The following ZBTB4 variants were observed in gnomAD, a reference collection of about 807,000 sequenced individuals.
ZBTB4 encodes zinc finger and BTB domain containing 4.
Under a neutral mutation model 59.8 loss-of-function variants are expected in ZBTB4, and 14 were observed. The observed-to-expected ratio is 0.23, with a 90% CI of 0.15 to 0.37. The LOEUF (loss-of-function observed/expected upper bound fraction) is 0.37, where lower values mean the gene tolerates loss of function less well. Among genes scored for constraint, ZBTB4 ranks in the 10% least tolerant of loss-of-function variants. ZBTB4 has a pLI of 1.00. For missense variants in ZBTB4, 1,198 were observed against 1,380.8 expected (o/e 0.87, Z 2.10); for synonymous variants, 587 against 575.2 (o/e 1.02, Z -0.29).
In ZBTB4 at chr17:7,466,766, A is replaced by G. The variant is rs1472185516; in HGVS notation, c.36T>C (p.His12=). ...PPPAEVTDPS[H]APAVLRQLNE... Reference sequence around the variant, plus strand: ...TGAGCTGGCGCAGGACGGCGGGGGCATGGGACGGGTCCGTCACCTCTGCAG... The same window carrying G: ...TGAGCTGGCGCAGGACGGCGGGGGCGTGGGACGGGTCCGTCACCTCTGCAG... Residue 12 remains histidine, a synonymous_variant, in exon 3 of 4, where the codon CAT becomes CAC. Coordinates refer to ENST00000380599, the MANE Select transcript of ZBTB4 (RefSeq NM_001128833.2). This position sits in a 1 kb window ranked among gnomAD's most constrained non-coding sequence, Gnocchi z 9.1. 6.3e-7 allele frequency: 1 copy of G among 1,584,312 alleles called. No individual in the cohort carries two copies. The highest frequency in any genetic ancestry group is 2.3e-5 in the East Asian group (1 of 43,990).
chr17:7,481,224 G>C (rs1165463365), upstream of ZBTB4: 1 of 263,454 alleles, frequency 3.8e-6, no homozygotes, highest in East Asian at 6.4e-5. Context: ...CAGCTACTTG[G>C]GAGGCTGAGG....
At position 7,462,876 on chromosome 17, in the gene ZBTB4, C is replaced by T. The variant is rs1311801656; in HGVS notation, c.2106G>A (p.Leu702=). 3.1e-6 allele frequency: 5 copies of T among 1,606,814 alleles called. No homozygotes were observed. In the African/African-American group the frequency reaches 5.3e-5, roughly 17 times the overall value. The part of the protein sequence containing the change: ...GRRPPRWRQK[L]ERRSWEETPA... ...GGGTTTCCTCCCAGCTCCTCCGTTCCAGCTTCTGCCTCCAACGTGGTGGCC... is the reference window on the plus strand; with the variant it reads ...GGGTTTCCTCCCAGCTCCTCCGTTCTAGCTTCTGCCTCCAACGTGGTGGCC... Residue 702 remains leucine, a synonymous_variant, in exon 4 of 4, where the codon CTG becomes CTA. Transcript: ENST00000380599. This position sits in a 1 kb window ranked among gnomAD's most constrained non-coding sequence, Gnocchi z 7.5.
intron 1 of ZBTB4, among the ~76,000 whole-genome samples, chr17:7,468,152 C>T (rs527399079): frequency 6.6e-6 from 1 of 152,322 alleles, no homozygotes; most frequent in South Asian, 2.1e-4. Flanking sequence ...GGGTGGATCA[C>T]CTGAGGTCAG....
At chr17:7,483,019 C>A (rs372053590), upstream of ZBTB4, 1 of 1,611,710 alleles carries the variant, frequency 6.2e-7, no homozygotes. Context: ...CTTGGGAGCC[C>A]GGGGGTTGGG....
At chr17:7,469,003 G>A (rs778461496) in intron 1 of ZBTB4, among the ~76,000 whole-genome samples, 6 of 152,064 alleles carry the variant, frequency 3.9e-5, no homozygotes, top group Non-Finnish European at 8.8e-5. Flanking sequence ...GGCATCCTGC[G>A]GAAGGGGCCT....
rs1235367752 is a variant in ZBTB4, at chr17:7,462,007, G to A, written c.2975C>T (p.Pro992Leu). Residue 992 changes from proline (P) to leucine (L), a missense_variant, in exon 4 of 4, where the codon CCA (proline) becomes CTA (leucine). Around this residue, in one of 9 missense-constraint regions of ZBTB4, gnomAD observed 211 missense variants for 236.1 expected, o/e 0.89. Transcript: ENST00000380599. This position sits in a 1 kb window ranked among gnomAD's most constrained non-coding sequence, Gnocchi z 7.5. Reference protein sequence around the residue: ...PTPPPPTLPPPIPPKGEGERA... With the variant: ...PTPPPPTLPPLIPPKGEGERA... ...TTCCCCTTCTCCCTTAGGGGGAATT[G>A]GTGGAGGAAGAGTTGGGGGAGGTGG... is the stretch of plus-strand genomic sequence containing the variant. 10 of 1,603,076 alleles carry A rather than the reference G, an allele frequency of 6.2e-6. No individual in the cohort carries two copies. Among genetic ancestry groups the A allele is most frequent in the Non-Finnish European group, 8.5e-6 (10 of 1,174,118 alleles).
Position 7,475,234 on chromosome 17 carries a change from G to A in ZBTB4, c.-81+4222C>T, listed in dbSNP as rs182072790. On this transcript the variant is annotated intron_variant, in intron 1 of 3. Transcript: ENST00000380599. Reference sequence around the variant, plus strand: ...CGGGCGCCTGTAACCCCAGCTACCCGGGAGGCTGAGGCAGGAGAATCACCT... The same window carrying A: ...CGGGCGCCTGTAACCCCAGCTACCCAGGAGGCTGAGGCAGGAGAATCACCT... Among the ~76,000 whole-genome samples the A allele has an allele frequency of 4.9e-3, 736 of 150,332 alleles. 8 individuals carry two copies. Among genetic ancestry groups the A allele is most frequent in the African/African-American group, 0.017 (701 of 40,994 alleles).
upstream of ZBTB4, chr17:7,483,328 T>G: frequency 2.3e-6 from 1 of 439,618 alleles, no homozygotes; most frequent in Non-Finnish European, 4.2e-6. Context: ...GAGAAGAGCA[T>G]TGGGGCTGGA....
At chr17:7,479,705 CGCCGAGAGGAGGCCGGCGCAGCGCA>C (rs2070319600), upstream of ZBTB4, 1 of 152,362 alleles carries the variant, frequency 6.6e-6, no homozygotes, top group South Asian at 1.8e-4. Flanking sequence ...CCGCCGCCGC[CGCCGAGAGGAGGCCGGCGCAGCGCA>C]GCCGACACCG....
Position 7,466,043 on chromosome 17 carries a change from C to G in ZBTB4, c.759G>C (p.Glu253Asp). Residue 253 changes from glutamate (E) to aspartate (D), a missense_variant, in exon 3 of 4, where the codon GAG becomes GAC. Physicochemically the swap from Glu to Asp is conservative, Grantham distance 45. Coordinates refer to ENST00000380599, the MANE Select transcript of ZBTB4 (RefSeq NM_001128833.2). The surrounding 1 kb of genome is among the most constrained non-coding windows in gnomAD (Gnocchi z 9.1). ...FIHPKRLQTH[E>D]AQCRRGASTR... Reference sequence around the variant, plus strand: ...TGCTGGCCCCTCGTCGGCACTGGGCCTCATGGGTCTGCAGCCGTTTGGGAT... The same window carrying G: ...TGCTGGCCCCTCGTCGGCACTGGGCGTCATGGGTCTGCAGCCGTTTGGGAT... The G allele has an allele frequency of 6.2e-7, 1 of 1,608,314 alleles. No individual in the cohort carries two copies. Among genetic ancestry groups the G allele is most frequent in the Non-Finnish European group, 8.5e-7 (1 of 1,176,646 alleles).
At chr17:7,477,157 T>A (rs1368449577) in intron 1 of ZBTB4, among the ~76,000 whole-genome samples, 2 of 152,212 alleles carry the variant, frequency 1.3e-5, no homozygotes, top group African/African-American at 4.8e-5. Flanking sequence ...GCCATTATTA[T>A]CAGCGAAGCC....
chr17:7,465,168 T>A (rs11078679), intron 3 of ZBTB4, among the ~76,000 whole-genome samples: 132,745 of 138,438 alleles, frequency 0.96, 63,592 homozygotes, highest in Middle Eastern at 1. Context: ...AAAAAAAAAA[T>A]AAAAAAAATG....
chr17:7,475,238 G>A (rs1054990525), intron 1 of ZBTB4, among the ~76,000 whole-genome samples: 2 of 151,630 alleles, frequency 1.3e-5, no homozygotes, highest in Non-Finnish European at 2.9e-5. Flanking sequence ...CTACCCGGGA[G>A]GCTGAGGCAG....
Position 7,466,037 on chromosome 17 carries a change from C to T in ZBTB4, c.765G>A (p.Gln255=). ...CCCGCGTGCTGGCCCCTCGTCGGCACTGGGCCTCATGGGTCTGCAGCCGTT... is the reference window on the plus strand; with the variant it reads ...CCCGCGTGCTGGCCCCTCGTCGGCATTGGGCCTCATGGGTCTGCAGCCGTT... ...HPKRLQTHEA[Q]CRRGASTRGS... Residue 255 remains glutamine (Q), a synonymous_variant, in exon 3 of 4, where the codon CAG becomes CAA. Coordinates refer to ENST00000380599, the MANE Select transcript of ZBTB4 (RefSeq NM_001128833.2). This position sits in a 1 kb window ranked among gnomAD's most constrained non-coding sequence, Gnocchi z 9.1. The T allele has an allele frequency of 3.1e-6, 5 of 1,608,582 alleles. No individual in the cohort carries two copies. Among genetic ancestry groups the T allele is most frequent in the Non-Finnish European group, 4.2e-6 (5 of 1,176,828 alleles).
Position 7,466,785 on chromosome 17 carries a change from T to C in ZBTB4, c.17A>G (p.Glu6Gly). The C allele has an allele frequency of 6.4e-7, 1 of 1,569,028 alleles. No individual in the cohort carries two copies. The highest frequency in any genetic ancestry group is 8.6e-7 in the Non-Finnish European group (1 of 1,159,002). The change falls in exon 3 of 4, where the codon GAG (glutamate) becomes GGG (glycine). Residue 6 changes from glutamate to glycine, a missense_variant. Transcript: ENST00000380599. The surrounding 1 kb of genome is among the most constrained non-coding windows in gnomAD (Gnocchi z 9.1). ...GGGGGCATGGGACGGGTCCGTCACC[T>C]CTGCAGGGGGGGGCATGGTGCCAGC... MPPPA[E>G]VTDPSHAPAV...
At chr17:7,473,586 G>A (rs572422478) in intron 1 of ZBTB4, among the ~76,000 whole-genome samples, 19 of 152,142 alleles carry the variant, frequency 1.2e-4, no homozygotes, top group African/African-American at 3.9e-4. Flanking sequence ...TTGCTCTGTT[G>A]CCCAGGCTGC....
chr17:7,468,017 G>C (rs1403217404), intron 1 of ZBTB4, among the ~76,000 whole-genome samples: 1 of 152,196 alleles, frequency 6.6e-6, no homozygotes, highest in African/African-American at 2.4e-5. Context: ...TAGGGATCTG[G>C]ACTTAAAAAG....
chr17:7,465,644 C>T lies in ZBTB4; in HGVS notation c.1091+67G>A, dbSNP rs1419435224. On this transcript the variant is annotated intron_variant, in intron 3 of 3. Transcript: ENST00000380599. ...CTAGGCCCCAAGCCCCACCCACTGC[C>T]GCCCTTGTTCCTATGACCGCTGAGT... 18 of 1,512,942 alleles carry T rather than the reference C, an allele frequency of 1.2e-5. No homozygotes were observed. In the East Asian group the frequency reaches 1.4e-4, roughly 12 times the overall value. 93.7% of individuals were successfully genotyped at this position (1,512,942 alleles called of 1,614,324 possible). A position where few individuals can be genotyped will look rare whatever the true frequency, so the allele number is the denominator to read the frequency against.
upstream of ZBTB4, chr17:7,481,630 C>A (rs2070346498): frequency 2.6e-6 from 2 of 766,416 alleles, no homozygotes; most frequent in African/African-American, 1.8e-5. Flanking sequence ...AAATAGAATT[C>A]ATAATGGTGT....
Sources: allele counts gnomAD v4.1 joint callset (sites outside exome capture counted in the v4.1 genomes callset), GRCh38; gene constraint gnomAD v4.1.1; regional missense constraint gnomAD v4.1.1; non-coding constraint Gnocchi (gnomAD v3.1); transcripts MANE v1.5; gene names NCBI Gene and HGNC (gene_info 2026-07-23, HGNC 2026-07-21).